The following DNAAF9 variants were observed in gnomAD, a reference collection of about 807,000 sequenced individuals.
DNAAF9 encodes the protein dynein axonemal assembly factor 9, also known as shulin.
A neutral mutation model predicts 167.0 loss-of-function variants in DNAAF9; 90 were observed. That is an observed-to-expected ratio of 0.54 (90% CI 0.45 to 0.64). The LOEUF (loss-of-function observed/expected upper bound fraction) is 0.64, where lower values mean the gene tolerates loss of function less well. Among genes scored for constraint, DNAAF9 ranks in the 30% least tolerant of loss-of-function variants. The pLI, the probability that DNAAF9 is intolerant of heterozygous loss-of-function variation, is 0.00. For missense variants in DNAAF9, 1,315 were observed against 1,442.2 expected, an observed-to-expected ratio of 0.91 and a Z score of 1.43; for synonymous variants, 491 against 508.8, an observed-to-expected ratio of 0.96 and a Z score of 0.47.
At chr20:3,387,536 T>C (rs2083761484) in intron 1 of DNAAF9, among the ~76,000 whole-genome samples, 1 of 152,022 alleles carries the variant, frequency 6.6e-6, no homozygotes, top group Admixed American at 6.6e-5. Context: ...CTATAAAACT[T>C]TTATAACAAA....
intron 1 of DNAAF9, 81 bp downstream of exon 1, chr20:3,407,394 C>T: frequency 3.5e-6 from 4 of 1,132,080 alleles, no homozygotes; most frequent in Non-Finnish European, 4.5e-6. Flanking sequence ...CGGACCACGC[C>T]CTGCGGCGGG....
intron 14 of DNAAF9, among the ~76,000 whole-genome samples, chr20:3,324,650 G>C (rs2069678543): frequency 6.6e-6 from 1 of 152,104 alleles, no homozygotes; most frequent in African/African-American, 2.4e-5. Flanking sequence ...TGTGATGCTG[G>C]TGTTAATCTG....
At chr20:3,322,352 C>T in intron 15 of DNAAF9, 90 bp from the exon 16 acceptor site, 1 of 1,029,702 alleles carries the variant, frequency 9.7e-7, no homozygotes, top group Admixed American at 1.9e-5. Context: ...TTGGCAATGA[C>T]AAGTCATAGA....
At chr20:3,279,029 T>C in intron 28 of DNAAF9, 80 bp from the exon 29 acceptor site, 1 of 1,012,946 alleles carries the variant, frequency 9.9e-7, no homozygotes, top group Non-Finnish European at 1.5e-6. Flanking sequence ...CAAATAGGAG[T>C]ACCACTGACA....
At chr20:3,272,373 C>T (rs6051704) in intron 29 of DNAAF9, among the ~76,000 whole-genome samples, 4 of 151,930 alleles carry the variant, frequency 2.6e-5, no homozygotes, top group Non-Finnish European at 5.9e-5. Context: ...CACAGGTGTG[C>T]GTGCCACCAT....
At chr20:3,295,117 C>G (rs1042302160) in intron 23 of DNAAF9, among the ~76,000 whole-genome samples, 1 of 152,058 alleles carries the variant, frequency 6.6e-6, no homozygotes, top group Non-Finnish European at 1.5e-5. Flanking sequence ...GATCCGCCCA[C>G]CTCGGCCTCC....
chr20:3,326,098 A>G (rs987512746), intron 13 of DNAAF9, 99 bp downstream of exon 13: 59 of 886,692 alleles, frequency 6.7e-5, no homozygotes, highest in Non-Finnish European at 9.6e-5. Flanking sequence ...AGCTCGCACA[A>G]AAGTGAGTAC....
chr20:3,354,915 C>T (rs967832065), intron 7 of DNAAF9, among the ~76,000 whole-genome samples: 7 of 152,128 alleles, frequency 4.6e-5, no homozygotes, highest in Non-Finnish European at 1.0e-4. Flanking sequence ...TGGTGATCAC[C>T]ACTGTTGCTG....
At chr20:3,352,462 A>G (rs1320690198) in intron 7 of DNAAF9, among the ~76,000 whole-genome samples, 1 of 151,874 alleles carries the variant, frequency 6.6e-6, no homozygotes, top group Non-Finnish European at 1.5e-5. Context: ...CAGACCTTCA[A>G]TGTCTGTCTG....
intron 1 of DNAAF9, among the ~76,000 whole-genome samples, chr20:3,393,380 G>A (rs945870183): frequency 6.6e-5 from 10 of 151,754 alleles, no homozygotes; most frequent in Non-Finnish European, 1.3e-4. Flanking sequence ...TGGTTACAGG[G>A]GCATGCCTAT....
At chr20:3,368,311 T>C (rs1202043503) in intron 6 of DNAAF9, among the ~76,000 whole-genome samples, 1 of 152,126 alleles carries the variant, frequency 6.6e-6, no homozygotes, top group East Asian at 1.9e-4. Context: ...GCTAGTACCA[T>C]CAAGGGGCTC....
intron 33 of DNAAF9, among the ~76,000 whole-genome samples, chr20:3,257,945 T>A (rs2068309832): frequency 6.6e-6 from 1 of 152,092 alleles, no homozygotes; most frequent in Admixed American, 6.5e-5. Context: ...GTCAGACTGG[T>A]CTCAAACTGC....
chr20:3,336,263 T>TTTTGTTG (rs2069945650), intron 10 of DNAAF9, among the ~76,000 whole-genome samples: 1 of 135,606 alleles, frequency 7.4e-6, no homozygotes, highest in African/African-American at 3.1e-5. Context: ...TTTTTGTTTT[T>TTTTGTTG]TTTTTTTTTT....
Position 3,259,559 on chromosome 20 carries a change from T to C in DNAAF9, c.2981-5A>G. On this transcript the variant is annotated splice_region_variant and splice_polypyrimidine_tract_variant and intron_variant, in intron 32 of 36. Transcript: ENST00000252032. ...GCTTGATGGAGGACTGAATTGCTGG[T>C]GGAAGAAGAGGACAGCGCTGTCACC... 2 of 1,605,056 alleles carry C rather than the reference T, an allele frequency of 1.2e-6. No homozygotes were observed. The highest frequency in any genetic ancestry group is 1.7e-6 in the Non-Finnish European group (2 of 1,171,726).
chr20:3,255,890 G>A (rs2068271264), intron 34 of DNAAF9, 116 bp downstream of exon 34: 4 of 752,440 alleles, frequency 5.3e-6, no homozygotes, highest in Admixed American at 4.6e-5. Context: ...GGGCCAGGGA[G>A]AGGAAGCCCA....
chr20:3,322,560 G>A, intron 15 of DNAAF9, 92 bp downstream of exon 15: 2 of 990,136 alleles, frequency 2.0e-6, no homozygotes, highest in Non-Finnish European at 3.3e-6. Flanking sequence ...AGGTGTGGAA[G>A]CATGAGAAAA....
intron 14 of DNAAF9, among the ~76,000 whole-genome samples, chr20:3,323,987 G>A (rs1169412957): frequency 6.6e-6 from 1 of 152,074 alleles, no homozygotes; most frequent in Non-Finnish European, 1.5e-5. Context: ...GATAGCACAG[G>A]GCAGCACAAG....
intron 10 of DNAAF9, among the ~76,000 whole-genome samples, chr20:3,338,025 A>G (rs900000029): frequency 2.0e-5 from 3 of 147,960 alleles, no homozygotes; most frequent in South Asian, 2.1e-4. Flanking sequence ...ATATTACGTT[A>G]TATATAATTA....
intron 26 of DNAAF9, among the ~76,000 whole-genome samples, chr20:3,289,468 A>T (rs1057366792): frequency 6.6e-6 from 1 of 150,762 alleles, no homozygotes; most frequent in Non-Finnish European, 1.5e-5. Context: ...GAAAACTGAA[A>T]CCCCACTCCC....
Sources: allele counts gnomAD v4.1 joint callset (sites outside exome capture counted in the v4.1 genomes callset), GRCh38; gene constraint gnomAD v4.1.1; transcripts MANE v1.5; gene names NCBI Gene and HGNC (gene_info 2026-07-23, HGNC 2026-07-21).